Variants in ACER3 observed in about 807,000 individuals in gnomAD.
ACER3 encodes alkCDase 3.
ACER3 carries 16 observed loss-of-function variants against 48.9 expected under a neutral mutation model. The observed-to-expected ratio is 0.33, with a 90% CI of 0.22 to 0.50. The LOEUF is 0.50. Ranked by LOEUF, ACER3 falls within the 20% of genes least tolerant of loss-of-function variation. ACER3 has a pLI of 0.98. For missense variants in ACER3, 227 were observed against 326.0 expected (o/e 0.70, Z 2.34); for synonymous variants, 109 against 107.8 (o/e 1.01, Z -0.07).
At chr11:76,984,785 T>C (rs1948654618) in intron 4 of ACER3, among the ~76,000 whole-genome samples, 1 of 152,218 alleles carries the variant, frequency 6.6e-6, no homozygotes, top group Non-Finnish European at 1.5e-5. Flanking sequence ...TTGCAAGATA[T>C]AGAAACCTAT....
At position 76,868,148 on chromosome 11, in the gene ACER3, C is replaced by T. The variant is rs557299109; in HGVS notation, c.103+7069C>T. 11 of 1,289,814 alleles carry T rather than the reference C, an allele frequency of 8.5e-6. No homozygotes were observed. The African/African-American group carries it at 1.7e-4, about 20-fold the overall frequency. The allele number at this position is 1,289,814 out of a possible 1,614,324, so 79.9% of individuals were successfully genotyped here. On this transcript the variant is annotated intron_variant, in intron 1 of 10. Transcript: ENST00000532485. ...CCTTCCTACCATCCTCCCTGAAGAG[C>T]AACCTCAAGTTAGTGAGCACACATC...
intron 7 of ACER3, chr11:77,011,334 G>C: frequency 1.0e-6 from 1 of 985,622 alleles, no homozygotes; most frequent in Non-Finnish European, 1.2e-6. Context: ...CCACAGAAGA[G>C]TATTGCTTTG....
intron 1 of ACER3, among the ~76,000 whole-genome samples, chr11:76,885,106 C>T (rs1283954607): frequency 6.6e-6 from 1 of 151,710 alleles, no homozygotes; most frequent in African/African-American, 2.4e-5. Context: ...TTTTAAAGTT[C>T]TTTTGGTTTG....
rs149765723 is a variant in ACER3 at position 76,970,717 on chromosome 11, C to CT, written c.268-5562dup. 2.2e-4 allele frequency among the ~76,000 whole-genome samples: 33 copies of CT among 146,900 alleles called. 1 individual carries two copies. Among genetic ancestry groups the CT allele is most frequent in the African/African-American group, 3.5e-4 (14 of 40,060 alleles). ...ATAACTTACTTACCATAAAATTCAC[C>CT]TTTTTTTTTTACCCTATCATACAAC... On this transcript the variant is annotated intron_variant, in intron 3 of 10. Coordinates refer to ENST00000532485, the MANE Select transcript of ACER3 (RefSeq NM_018367.7).
chr11:76,985,650 T>A lies in ACER3; in HGVS notation c.328T>A (p.Cys110Ser). 6.4e-7 allele frequency: 1 copy of A among 1,564,018 alleles called. No homozygotes were observed. Among genetic ancestry groups the A allele is most frequent in the South Asian group, 1.2e-5 (1 of 81,990 alleles). Reference sequence around the variant, plus strand: ...TTCTCTCTTTTTTTCAAGGTTTGAATGTTTCAAGATCAAGAACTCAGTAAA... The same window carrying A: ...TTCTCTCTTTTTTTCAAGGTTTGAAAGTTTCAAGATCAAGAACTCAGTAAA... ...CCIFVYCMFECFKIKNSVNYH... is the reference protein window; with the variant it reads ...CCIFVYCMFESFKIKNSVNYH... The change falls in exon 5 of 11, where the codon TGT becomes AGT. Residue 110 changes from cysteine to serine, a missense_variant. Transcript: ENST00000532485.
rs563373575 is a variant in ACER3, at chr11:76,961,239, A to T, written c.267+2208A>T. On this transcript the variant is annotated intron_variant, in intron 3 of 10. Transcript: ENST00000532485. ...CAAATACGGAAAAGATGAAAACTAG[A>T]ATGAGCTCTGTGGTGACAAACTGAA... 2.3e-4 allele frequency among the ~76,000 whole-genome samples: 35 copies of T among 152,308 alleles called. No individual in the cohort carries two copies. The South Asian group carries it at 7.3e-3, about 32-fold the overall frequency.
At chr11:76,975,549 A>G (rs1948418859) in intron 3 of ACER3, among the ~76,000 whole-genome samples, 1 of 152,174 alleles carries the variant, frequency 6.6e-6, no homozygotes, top group Non-Finnish European at 1.5e-5. Flanking sequence ...TAGACACTTT[A>G]TCCATTTAAG....
chr11:76,882,510 C>A (rs1382643129), intron 1 of ACER3, among the ~76,000 whole-genome samples: 1 of 152,076 alleles, frequency 6.6e-6, no homozygotes, highest in East Asian at 1.9e-4. Flanking sequence ...GATTTCCTAT[C>A]TTTTTTCATT....
At chr11:76,968,017 T>C (rs903491332) in intron 3 of ACER3, among the ~76,000 whole-genome samples, 3 of 152,206 alleles carry the variant, frequency 2.0e-5, no homozygotes, top group Non-Finnish European at 4.4e-5. Context: ...TGTTTGCAGA[T>C]GACATGATTG....
At chr11:76,913,641 A>G (rs912974556) in intron 1 of ACER3, among the ~76,000 whole-genome samples, 1 of 152,212 alleles carries the variant, frequency 6.6e-6, no homozygotes, top group Non-Finnish European at 1.5e-5. Context: ...TAATTTATAG[A>G]TTCAATGCCA....
At chr11:76,910,419 T>C (rs1946349730) in intron 1 of ACER3, among the ~76,000 whole-genome samples, 1 of 152,164 alleles carries the variant, frequency 6.6e-6, no homozygotes. Context: ...TTTTCTAAGA[T>C]ATTTCACCCT....
chr11:76,925,332 A>G (rs1270728447), intron 1 of ACER3, among the ~76,000 whole-genome samples: 1 of 152,126 alleles, frequency 6.6e-6, no homozygotes, highest in Non-Finnish European at 1.5e-5. Context: ...TGCACTTGTA[A>G]ATATATATGG....
chr11:76,964,514 C>T lies in ACER3; in HGVS notation c.267+5483C>T, dbSNP rs563471173. Among the ~76,000 whole-genome samples the T allele has an allele frequency of 2.0e-5, 3 of 151,458 alleles. No individual in the cohort carries two copies. In the East Asian group the frequency reaches 5.8e-4, roughly 29 times the overall value. The stretch of plus-strand genomic sequence containing the variant: ...AGATCTGAGAACGGGCAGACTGCCT[C>T]CTCAAGTGGGTCCCTGACCCCCGAG... On this transcript the variant is annotated intron_variant, in intron 3 of 10. Coordinates refer to ENST00000532485, the MANE Select transcript of ACER3 (RefSeq NM_018367.7).
In ACER3 at chr11:77,010,196, T is replaced by C. The variant is rs186024984; in HGVS notation, c.498-4820T>C. Among the ~76,000 whole-genome samples the C allele has an allele frequency of 2.3e-3, 329 of 140,690 alleles. 2 individuals are homozygous for C. In the South Asian group the frequency reaches 0.025, roughly 11 times the overall value. 92.3% of individuals were successfully genotyped at this position (140,690 alleles called of 152,430 possible). ...ATAATAATAATAATAATAATAATAATAACTAGTTTGGCATGGTGGCATGCT... is the reference window on the plus strand; with the variant it reads ...ATAATAATAATAATAATAATAATAACAACTAGTTTGGCATGGTGGCATGCT... On this transcript the variant is annotated intron_variant, in intron 7 of 10. Coordinates refer to ENST00000532485, the MANE Select transcript of ACER3 (RefSeq NM_018367.7).
At chr11:76,885,243 T>A (rs1411571672) in intron 1 of ACER3, among the ~76,000 whole-genome samples, 1 of 152,224 alleles carries the variant, frequency 6.6e-6, no homozygotes, top group East Asian at 1.9e-4. Flanking sequence ...CAGGTTTGTT[T>A]AGACACAGAG....
At chr11:77,015,376 A>T (rs980063715) in intron 8 of ACER3, 16 of 288,194 alleles carry the variant, frequency 5.6e-5, no homozygotes, top group African/African-American at 3.5e-4. Flanking sequence ...TATATAGTTA[A>T]TCAAATGTTG....
Position 76,898,748 on chromosome 11 carries a change from C to CA in ACER3, c.104-27803dup, listed in dbSNP as rs1946000216. Among the ~76,000 whole-genome samples the CA allele has an allele frequency of 2.0e-5, 3 of 151,322 alleles. No individual in the cohort carries two copies. In the East Asian group the frequency reaches 5.8e-4, roughly 29 times the overall value. On this transcript the variant is annotated intron_variant, in intron 1 of 10. Coordinates refer to ENST00000532485, the MANE Select transcript of ACER3 (RefSeq NM_018367.7). Reference sequence around the variant, plus strand: ...TGAAACCCCGTCTCTACTAAAAATACAAAAAATTAACCGGGCGTAGTGGCG... The same window carrying CA: ...TGAAACCCCGTCTCTACTAAAAATACAAAAAAATTAACCGGGCGTAGTGGCG...
At chr11:76,923,000 G>A (rs774717433) in intron 1 of ACER3, among the ~76,000 whole-genome samples, 1 of 151,820 alleles carries the variant, frequency 6.6e-6, no homozygotes, top group Non-Finnish European at 1.5e-5. Flanking sequence ...AATGGTTTCT[G>A]TATTAATTTT....
At chr11:76,955,723 T>C (rs1947822735) in intron 2 of ACER3, 1 of 152,402 alleles carries the variant, frequency 6.6e-6, no homozygotes, top group African/African-American at 2.4e-5. Context: ...ACCATCACAT[T>C]AGGGGCTAGA....
Sources: gnomAD v4.1 joint callset for allele counts (sites outside exome capture counted in the v4.1 genomes callset) on GRCh38, gnomAD v4.1.1 for gene constraint, MANE v1.5 for transcripts, NCBI Gene and HGNC (gene_info 2026-07-23, HGNC 2026-07-21) for gene names.